AFAP1L2: variants seen among roughly 807,000 people sequenced by gnomAD.
AFAP1L2 encodes the protein actin filament-associated protein 1-like 2.
Under a neutral mutation model 99.3 loss-of-function variants are expected in AFAP1L2, and 46 were observed. The ratio of observed to expected loss-of-function variants is 0.46; its 90% CI spans 0.37 to 0.59. The LOEUF is 0.59. AFAP1L2 is among the 20% of genes least tolerant of loss of function. AFAP1L2 has a pLI of 0.00. For synonymous variants in AFAP1L2, 397 were observed against 419.1 expected, an observed-to-expected ratio of 0.95 and a Z score of 0.64; for missense variants, 959 against 1,034.9, an observed-to-expected ratio of 0.93 and a Z score of 1.01.
At chr10:114,311,413 T>C (rs1232686980) in intron 7 of AFAP1L2, among the ~76,000 whole-genome samples, 2 of 152,166 alleles carry the variant, frequency 1.3e-5, no homozygotes, top group African/African-American at 4.8e-5. Flanking sequence ...TTTGTGGAAA[T>C]GGGTTTCAAA....
rs560986801 is a variant in AFAP1L2, at chr10:114,334,606, T to C, written c.146-1311A>G. Among the ~76,000 whole-genome samples the C allele has an allele frequency of 1.1e-4, 16 of 152,292 alleles. No homozygotes were observed. The South Asian group carries it at 3.1e-3, about 30-fold the overall frequency. On this transcript the variant is annotated intron_variant, in intron 2 of 18. Coordinates refer to ENST00000304129, the MANE Select transcript of AFAP1L2 (RefSeq NM_001001936.3). ...CAGTGATGAGCACCTCTGGTTGTCA[T>C]CTTAGTGCCTTGCCCTGCCAGGACC...
Position 114,309,852 on chromosome 10 carries a change from A to C in AFAP1L2, c.882+502T>G, listed in dbSNP as rs1374686122. ...GCACCTACAAGCAAGAAAATATTTT[A>C]GGTCTGTATCCGTTTCCTCCATTTT... On this transcript the variant is annotated intron_variant, in intron 8 of 18. Transcript: ENST00000304129. Among the ~76,000 whole-genome samples the C allele has an allele frequency of 2.0e-5, 3 of 152,020 alleles. No individual in the cohort carries two copies. In the East Asian group the frequency reaches 5.8e-4, roughly 29 times the overall value.
chr10:114,363,261 G>C, intron 1 of AFAP1L2: 3 of 813,156 alleles, frequency 3.7e-6, no homozygotes, highest in African/African-American at 3.7e-5. Context: ...GAGCCCACCG[G>C]CTTCTTTACC....
intron 5 of AFAP1L2, 29 bp from the exon 6 acceptor site, chr10:114,315,794 C>T (rs1393017961): frequency 1.9e-6 from 3 of 1,588,076 alleles, no homozygotes; most frequent in African/African-American, 2.7e-5. Context: ...CGGTCAGGGC[C>T]CCATGGGGCA....
intron 1 of AFAP1L2, among the ~76,000 whole-genome samples, chr10:114,395,513 A>ACC (rs1156622928): frequency 2.0e-5 from 3 of 152,110 alleles, no homozygotes; most frequent in African/African-American, 7.2e-5. Flanking sequence ...AGTCAGTGAA[A>ACC]CCTCCAAACA....
chr10:114,301,142 T>C (rs561984832), intron 13 of AFAP1L2, among the ~76,000 whole-genome samples: 1 of 152,328 alleles, frequency 6.6e-6, no homozygotes, highest in South Asian at 2.1e-4. Flanking sequence ...GTGTTTCATC[T>C]AGATAAGTCC....
At chr10:114,365,602 G>A (rs2053105683) in intron 1 of AFAP1L2, among the ~76,000 whole-genome samples, 1 of 152,000 alleles carries the variant, frequency 6.6e-6, no homozygotes, top group Non-Finnish European at 1.5e-5. Flanking sequence ...TCCCCATGAG[G>A]CTCATGGCCC....
intron 1 of AFAP1L2, among the ~76,000 whole-genome samples, chr10:114,373,874 G>A (rs1266476487): frequency 2.6e-5 from 4 of 152,058 alleles, no homozygotes; most frequent in Non-Finnish European, 5.9e-5. Context: ...CCCAGGTAGC[G>A]AGATAATCTT....
At chr10:114,378,476 A>G (rs542012415) in intron 1 of AFAP1L2, among the ~76,000 whole-genome samples, 67 of 152,314 alleles carry the variant, frequency 4.4e-4, no homozygotes, top group South Asian at 1.4e-3. Context: ...TGTCCTCATT[A>G]TATCCTCAGA....
chr10:114,289,382 G>GT, the AFAP1L2 span: 1 of 1,613,264 alleles, frequency 6.2e-7, no homozygotes, highest in Non-Finnish European at 8.5e-7. Context: ...CCTGTCCTAA[G>GT]TGAGGGTCTG....
rs1455251161 is a variant in AFAP1L2, at chr10:114,299,156, C to A, written c.2113+104G>T. On this transcript the variant is annotated intron_variant, in intron 16 of 18. Coordinates refer to ENST00000304129, the MANE Select transcript of AFAP1L2 (RefSeq NM_001001936.3). ...AGGCCAAGGGTTGAAGGGGCCAGGGCCCACTGATTGAGAAGGTGTGGTGAC... is the reference window on the plus strand; with the variant it reads ...AGGCCAAGGGTTGAAGGGGCCAGGGACCACTGATTGAGAAGGTGTGGTGAC... The A allele has an allele frequency of 7.1e-6, 10 of 1,400,644 alleles. No homozygotes were observed. The African/African-American group carries it at 1.3e-4, about 18-fold the overall frequency. 86.8% of individuals were successfully genotyped at this position (1,400,644 alleles called of 1,614,324 possible). A position where few individuals can be genotyped will look rare whatever the true frequency, so the allele number is the denominator to read the frequency against.
rs761695420 is a variant in AFAP1L2 at position 114,307,858 on chromosome 10, C to T, written c.1019G>A (p.Gly340Asp). The T allele has an allele frequency of 1.2e-6, 2 of 1,614,000 alleles. No homozygotes were observed. The highest frequency in any genetic ancestry group is 2.7e-5 in the African/African-American group (2 of 74,898). Residue 340 changes from glycine (G) to aspartate (D), a missense_variant, in exon 10 of 19, where the codon GGC becomes GAC. Transcript: ENST00000304129. ...GLKLSNLMNL[G>D]RKKSTSLEPV... is the part of the protein sequence containing the mutation. ...CTCCAGTGAGGTGGATTTCTTCCTGCCCAGATTCATTAGGTTGCTCAGTTT... is the reference window on the plus strand; with the variant it reads ...CTCCAGTGAGGTGGATTTCTTCCTGTCCAGATTCATTAGGTTGCTCAGTTT...
chr10:114,332,140 C>T (rs118053239), intron 3 of AFAP1L2, among the ~76,000 whole-genome samples: 4,379 of 152,232 alleles, frequency 0.029, 92 homozygotes, highest in Middle Eastern at 0.051. Flanking sequence ...CTACCCATCC[C>T]ATGTCAAAAA....
At chr10:114,284,561 G>T in the AFAP1L2 span, among the ~76,000 whole-genome samples, 1 of 152,182 alleles carries the variant, frequency 6.6e-6, no homozygotes, top group African/African-American at 2.4e-5. Flanking sequence ...CAGTCTTGAG[G>T]CACCCACACT....
At chr10:114,329,607 C>G (rs1268727921) in intron 4 of AFAP1L2, among the ~76,000 whole-genome samples, 1 of 152,204 alleles carries the variant, frequency 6.6e-6, no homozygotes, top group East Asian at 1.9e-4. Flanking sequence ...CACCACCCAG[C>G]AAGCAATGCC....
Position 114,304,779 on chromosome 10 carries a change from G to C in AFAP1L2, c.1224C>G (p.Ser408Arg). 6.2e-7 allele frequency: 1 copy of C among 1,613,108 alleles called. No homozygotes were observed. ...TGCGGAAGGAGTAGAGGTGGTCGGG[G>C]CTGGGGTCTGGGACCACCTCGCAGC... ...LVGCEVVPDP[S>R]PDHLYSFRIL... The change falls in exon 11 of 19, where the codon AGC becomes AGG. Residue 408 changes from serine to arginine, a missense_variant. Ser to Arg is a moderately radical substitution (Grantham distance 110). Transcript: ENST00000304129.
chr10:114,380,518 G>A (rs976429635), intron 1 of AFAP1L2, among the ~76,000 whole-genome samples: 2 of 152,196 alleles, frequency 1.3e-5, no homozygotes, highest in Non-Finnish European at 2.9e-5. Flanking sequence ...ACAATGTTGG[G>A]TTTGATTTAC....
chr10:114,300,778 G>T (rs1293523745), intron 13 of AFAP1L2, 88 bp from the exon 14 acceptor site: 3 of 1,494,694 alleles, frequency 2.0e-6, no homozygotes, highest in Non-Finnish European at 2.7e-6. Context: ...CACAGTTCTG[G>T]TGCCCATCTC....
chr10:114,371,821 T>A (rs1022152508), intron 1 of AFAP1L2, among the ~76,000 whole-genome samples: 1 of 94,760 alleles, frequency 1.1e-5, no homozygotes, highest in Non-Finnish European at 1.9e-5. Context: ...ATAAAAAAAA[T>A]AAAAAATAAA....
Sources: gnomAD v4.1 joint callset for allele counts (sites outside exome capture counted in the v4.1 genomes callset) on GRCh38, gnomAD v4.1.1 for gene constraint, MANE v1.5 for transcripts, NCBI Gene and HGNC (gene_info 2026-07-23, HGNC 2026-07-21) for gene names.